NID1: variants seen among roughly 807,000 people sequenced by gnomAD.
NID1 encodes the protein nidogen 1.
NID1 carries 76 observed loss-of-function variants against 130.6 expected under a neutral mutation model. The observed-to-expected ratio is 0.58, with a 90% confidence interval of 0.48 to 0.70. The LOEUF is 0.70. Ranked by LOEUF, NID1 falls within the 30% of genes least tolerant of loss-of-function variation. The pLI, the probability that NID1 is intolerant of heterozygous loss-of-function variation, is 0.00. For missense variants in NID1, 1,517 were observed against 1,664.8 expected, an observed-to-expected ratio of 0.91 and a Z score of 1.54; for synonymous variants, 665 against 675.1, an observed-to-expected ratio of 0.98 and a Z score of 0.23.
At chr1:235,997,030 C>T (rs1274843274) in intron 12 of NID1, among the ~76,000 whole-genome samples, 1 of 152,106 alleles carries the variant, frequency 6.6e-6, no homozygotes, top group Non-Finnish European at 1.5e-5. Flanking sequence ...AATGGGGTTT[C>T]ACCATGTTGG....
rs760710555 is a variant in NID1 at position 236,032,418 on chromosome 1, T to C, written c.1520A>G (p.Asn507Ser). The C allele has an allele frequency of 6.2e-7, 1 of 1,614,080 alleles. No homozygotes were observed. Among genetic ancestry groups the C allele is most frequent in the East Asian group, 2.2e-5 (1 of 44,892 alleles). ...TAAATTACCGGTGATGCTGAACCCA[T>C]TCTTGAATCCGTCCTGCTCCACTGC... ...MFAVEQDGFK[N>S]GFSITGGEFT... Residue 507 changes from asparagine (N) to serine (S), a missense_variant, in exon 6 of 20, where the codon AAT (asparagine) becomes AGT (serine). Physicochemically the swap from Asn to Ser is conservative, Grantham distance 46. Around this residue, in one of 3 missense-constraint regions of NID1, gnomAD observed 1,329 missense variants for 1,429.2 expected, o/e 0.93. Coordinates refer to ENST00000264187, the MANE Select transcript of NID1 (RefSeq NM_002508.3).
In NID1 at chr1:235,993,715, G is replaced by A; in HGVS notation, c.2685C>T (p.Tyr895=). The stretch of plus-strand genomic sequence containing the variant: ...GGCCGTCGCGATCCACGCACCAGCA[G>A]TAGCCGGTGCTGCCGTGGCACTGGG... The part of the protein sequence containing the change: ...APTQCHGSTG[Y]CWCVDRDGRE... Residue 895 remains tyrosine, a synonymous_variant, in exon 13 of 20, where the codon TAC becomes TAT. Transcript: ENST00000264187. 1 of 1,610,416 alleles carries A rather than the reference G, an allele frequency of 6.2e-7. No homozygotes were observed. The highest frequency in any genetic ancestry group is 8.5e-7 in the Non-Finnish European group (1 of 1,177,918).
In NID1 at chr1:236,017,179, G is replaced by A; in HGVS notation, c.2223C>T (p.Gly741=). The change falls in exon 10 of 20, where the codon GGC becomes GGT. Residue 741 remains glycine, a synonymous_variant. Transcript: ENST00000264187. ...ACGTTCCCTCATCTGAAAACTGGTA[G>A]CCCTCCACACACTCGCAGCGGAAGG... ...PGTFRCECVE[G]YQFSDEGTCV... 1 of 1,614,138 alleles carries A rather than the reference G, an allele frequency of 6.2e-7. No homozygotes were observed. The highest frequency in any genetic ancestry group is 8.5e-7 in the Non-Finnish European group (1 of 1,180,010).
At chr1:236,049,044 A>G in intron 1 of NID1, 55 bp from the exon 2 acceptor site, 1 of 1,536,372 alleles carries the variant, frequency 6.5e-7, no homozygotes, top group Non-Finnish European at 8.9e-7. Context: ...CTTTCTCAGT[A>G]AGACTGAGCA....
At position 236,024,122 on chromosome 1, in the gene NID1, C is replaced by G; in HGVS notation, c.2076G>C (p.Gln692His). 4.3e-6 allele frequency: 7 copies of G among 1,614,264 alleles called. No homozygotes were observed. The highest frequency in any genetic ancestry group is 5.9e-6 in the Non-Finnish European group (7 of 1,180,042). ...NAACRPGPRT[Q>H]FTCECSIGFR... ...AGCCGATGGAGCACTCGCAGGTGAA[C>G]TGTGTCCTGGGACCAGGGCGACAGG... Residue 692 changes from glutamine (Q) to histidine (H), a missense_variant, in exon 9 of 20, where the codon CAG (glutamine) becomes CAC (histidine). Coordinates refer to ENST00000264187, the MANE Select transcript of NID1 (RefSeq NM_002508.3).
At chr1:236,017,787 C>T (rs1220423160) in intron 9 of NID1, among the ~76,000 whole-genome samples, 1 of 152,164 alleles carries the variant, frequency 6.6e-6, no homozygotes, top group East Asian at 1.9e-4. Context: ...GAAACGTGTG[C>T]TTCCCCCACC....
At chr1:236,009,830 T>C (rs1280751764) in intron 12 of NID1, among the ~76,000 whole-genome samples, 1 of 152,216 alleles carries the variant, frequency 6.6e-6, no homozygotes, top group Non-Finnish European at 1.5e-5. Context: ...ACGTTTCTAG[T>C]GAACACTCTC....
Position 236,042,106 on chromosome 1 carries a change from G to C in NID1, c.939C>G (p.Phe313Leu), listed in dbSNP as rs1456948023. 4 of 1,614,196 alleles carry C rather than the reference G, an allele frequency of 2.5e-6. No individual in the cohort carries two copies. In the South Asian group the frequency reaches 4.4e-5, roughly 18 times the overall value. ...CTCCCCTTCTCAGAGCCTTGTAGGA[G>C]AAGGGCGTGGTGCCCACATCCTCCA... ...LGLEDVGTTP[F>L]SYKALRRGGA... Residue 313 changes from phenylalanine to leucine, a missense_variant, in exon 4 of 20, where the codon TTC (phenylalanine) becomes TTG (leucine). Around this residue, in one of 3 missense-constraint regions of NID1, gnomAD observed 1,329 missense variants for 1,429.2 expected, o/e 0.93. Transcript: ENST00000264187.
intron 12 of NID1, among the ~76,000 whole-genome samples, chr1:235,996,017 G>C (rs556253853): frequency 1.3e-5 from 2 of 152,306 alleles, no homozygotes; most frequent in South Asian, 4.1e-4. Context: ...AGCTGGGTGT[G>C]GTGGCATGCA....
At chr1:236,015,228 A>C (rs1658553031) in intron 10 of NID1, among the ~76,000 whole-genome samples, 1 of 152,200 alleles carries the variant, frequency 6.6e-6, no homozygotes, top group Admixed American at 6.5e-5. Flanking sequence ...TGACCACTCA[A>C]TTACTCAGTG....
At chr1:236,014,423 C>T (rs1162475263) in intron 10 of NID1, among the ~76,000 whole-genome samples, 14 of 152,096 alleles carry the variant, frequency 9.2e-5, no homozygotes, top group Admixed American at 8.5e-4. Flanking sequence ...TTTAGAAAAT[C>T]AGAAGCAAAA....
chr1:236,039,762 A>G (rs986106657), intron 4 of NID1, among the ~76,000 whole-genome samples: 6 of 152,202 alleles, frequency 3.9e-5, no homozygotes, highest in African/African-American at 1.2e-4. Context: ...CATACTCGGA[A>G]GGGAATTTCT....
chr1:236,020,631 GCA>G lies in NID1; in HGVS notation c.2129-3360_2129-3359del, dbSNP rs572176177. Among the ~76,000 whole-genome samples, 314 of 152,240 alleles carry G rather than the reference GCA, an allele frequency of 2.1e-3. 1 individual carries two copies. The highest frequency in any genetic ancestry group is 7.4e-3 in the African/African-American group (306 of 41,534). ...TGTCATATACCATCATATCAGCGCT[GCA>G]CACACTGAATCACAAAGGCTCATCC... On this transcript the variant is annotated intron_variant, in intron 9 of 19. Coordinates refer to ENST00000264187, the MANE Select transcript of NID1 (RefSeq NM_002508.3).
chr1:235,997,646 G>A (rs1303514082), intron 12 of NID1, among the ~76,000 whole-genome samples: 1 of 131,968 alleles, frequency 7.6e-6, no homozygotes, highest in Non-Finnish European at 1.5e-5. Flanking sequence ...ACTCTGTCTT[G>A]CACAGGCTGG....
chr1:236,035,442 C>T (rs1362718987), intron 5 of NID1, among the ~76,000 whole-genome samples: 4 of 127,004 alleles, frequency 3.1e-5, no homozygotes, highest in African/African-American at 1.2e-4. Context: ...TGAATAATGC[C>T]GCAATAAACA....
At chr1:236,000,816 G>A (rs1428323394) in intron 12 of NID1, among the ~76,000 whole-genome samples, 1 of 152,206 alleles carries the variant, frequency 6.6e-6, no homozygotes, top group Admixed American at 6.5e-5. Context: ...GACAATTGTA[G>A]CCTCTCATAT....
intron 7 of NID1, among the ~76,000 whole-genome samples, chr1:236,026,726 T>C (rs762423841): frequency 1.3e-4 from 19 of 149,798 alleles, no homozygotes; most frequent in Non-Finnish European, 2.6e-4. Context: ...CAATAAATGG[T>C]GATTTCTTTT....
chr1:236,035,745 C>T (rs1659237716), intron 5 of NID1, among the ~76,000 whole-genome samples: 1 of 152,198 alleles, frequency 6.6e-6, no homozygotes, highest in Non-Finnish European at 1.5e-5. Flanking sequence ...CCAAACGGCT[C>T]AACAGGTTCT....
At chr1:236,051,185 C>G (rs962843822) in intron 1 of NID1, among the ~76,000 whole-genome samples, 2 of 152,098 alleles carry the variant, frequency 1.3e-5, no homozygotes, top group Non-Finnish European at 2.9e-5. Flanking sequence ...TGGAAAAACA[C>G]GAATCCAGAA....
Sources: gnomAD v4.1 joint callset for allele counts (sites outside exome capture counted in the v4.1 genomes callset) on GRCh38, gnomAD v4.1.1 for gene constraint, gnomAD v4.1.1 regional missense constraint, MANE v1.5 for transcripts, NCBI Gene and HGNC (gene_info 2026-07-23, HGNC 2026-07-21) for gene names.